The following G2E3 variants were observed in gnomAD, a reference collection of about 807,000 sequenced individuals.
G2E3 encodes the protein G2/M phase-specific E3 ubiquitin-protein ligase.
A neutral mutation model predicts 92.8 loss-of-function variants in G2E3; 35 were observed. The observed-to-expected ratio is 0.38, with a 90% CI of 0.29 to 0.50. The LOEUF is 0.50. G2E3 is among the 20% of genes least tolerant of loss of function. The probability of loss-of-function intolerance (pLI) is 0.94; values close to 1 mark genes in which losing one functional copy is unlikely to be tolerated. For synonymous variants in G2E3, 242 were observed against 272.4 expected (o/e 0.89, Z 1.10); for missense variants, 554 against 823.8 (o/e 0.67, Z 4.01).
At chr14:30,595,510 G>GT (rs1406639462) in intron 6 of G2E3, among the ~76,000 whole-genome samples, 1 of 152,016 alleles carries the variant, frequency 6.6e-6, no homozygotes, top group South Asian at 2.1e-4. Flanking sequence ...TAATTTTGTC[G>GT]TTAAAAAAGT....
chr14:30,584,080 T>C (rs1880576720), intron 2 of G2E3, among the ~76,000 whole-genome samples: 1 of 152,222 alleles, frequency 6.6e-6, no homozygotes. Flanking sequence ...CCCTGTGGAT[T>C]TACTTATGTT....
chr14:30,561,383 C>T (rs1324000620), intron 1 of G2E3, among the ~76,000 whole-genome samples: 2 of 152,166 alleles, frequency 1.3e-5, no homozygotes, highest in Non-Finnish European at 2.9e-5. Flanking sequence ...AGATGTTGCT[C>T]CATAAGTATC....
At chr14:30,565,624 T>C (rs1483991427) in intron 1 of G2E3, among the ~76,000 whole-genome samples, 1 of 150,200 alleles carries the variant, frequency 6.7e-6, no homozygotes. Flanking sequence ...TTTTAATGCG[T>C]GTGAGGTAGG....
chr14:30,560,891 A>G, intron 1 of G2E3: 1 of 688,820 alleles, frequency 1.5e-6, no homozygotes, highest in South Asian at 1.5e-5. Flanking sequence ...TCTTTCCTAG[A>G]AAGGCATTAT....
chr14:30,605,731 C>T lies in G2E3; in HGVS notation c.1237C>T (p.Leu413=). The T allele has an allele frequency of 1.2e-6, 2 of 1,608,370 alleles. No individual in the cohort carries two copies. The highest frequency in any genetic ancestry group is 1.7e-6 in the Non-Finnish European group (2 of 1,176,240). The change falls in exon 11 of 15, where the codon CTG becomes TTG. Residue 413 remains leucine, a synonymous_variant. Coordinates refer to ENST00000206595, the MANE Select transcript of G2E3 (RefSeq NM_017769.5). ...GCATCCTGGATCAAAGCAAGAATTT[C>T]TGAGTCTCTTAATGCAACATCTTGA... ...SEHPGSKQEF[L]SLLMQHLENS...
chr14:30,609,143 C>T lies in G2E3; in HGVS notation c.1500+1074C>T, dbSNP rs147417305. 3.3e-4 allele frequency among the ~76,000 whole-genome samples: 50 copies of T among 152,316 alleles called. 1 individual carries two copies. Among genetic ancestry groups the T allele is most frequent in the African/African-American group, 1.1e-3 (46 of 41,570 alleles). On this transcript the variant is annotated intron_variant, in intron 12 of 14. Transcript: ENST00000206595. ...TGTGAGTTGCTACAGTGTATTACAA[C>T]AATTCTGTTTATTTGCCCTAAGACT...
intron 12 of G2E3, among the ~76,000 whole-genome samples, chr14:30,609,607 ATTTACAGACCTGTAT>A (rs965104931): frequency 1.8e-4 from 27 of 152,142 alleles, no homozygotes; most frequent in African/African-American, 6.3e-4. Context: ...TTTCTGAATG[ATTTACAGACCTGTAT>A]TTTTGAGCCC....
chr14:30,593,443 GA>G (rs1375681231), intron 5 of G2E3, 30 bp from the exon 6 acceptor site: 3 of 1,180,826 alleles, frequency 2.5e-6, no homozygotes, highest in East Asian at 4.8e-5. Context: ...TGCAGTTCAT[GA>G]GATTTTTTTA....
chr14:30,597,254 T>TTAGC (rs1166497321), intron 6 of G2E3, among the ~76,000 whole-genome samples, 166 bp from the exon 7 acceptor site: 3 of 152,176 alleles, frequency 2.0e-5, no homozygotes, highest in Non-Finnish European at 2.9e-5. Flanking sequence ...ATTATAGATT[T>TTAGC]TAGCAGTGGG....
chr14:30,603,031 C>A (rs1048040674), intron 10 of G2E3: 1 of 152,024 alleles, frequency 6.6e-6, no homozygotes, highest in East Asian at 1.9e-4. Flanking sequence ...ATTTCTGTTC[C>A]CATGAGACAA....
intron 13 of G2E3, among the ~76,000 whole-genome samples, chr14:30,614,238 A>G (rs1882215537): frequency 1.3e-5 from 2 of 149,468 alleles, no homozygotes; most frequent in Non-Finnish European, 2.9e-5. Flanking sequence ...GATAACAGAT[A>G]AACATGTGTG....
intron 1 of G2E3, among the ~76,000 whole-genome samples, chr14:30,570,869 G>T (rs1157847386): frequency 6.6e-6 from 1 of 152,054 alleles, no homozygotes; most frequent in South Asian, 2.1e-4. Flanking sequence ...ATATATTGTG[G>T]ATCTAACTAA....
chr14:30,564,317 G>T lies in G2E3; in HGVS notation c.-5+5045G>T, dbSNP rs558135736. On this transcript the variant is annotated intron_variant, in intron 1 of 14. Transcript: ENST00000206595. ...AGGTGTACATTTGACCTTTTTTTGA[G>T]GTAAAATTCCCATTTATAAAATTAG... 4.6e-5 allele frequency among the ~76,000 whole-genome samples: 7 copies of T among 151,906 alleles called. No individual in the cohort carries two copies. In the East Asian group the frequency reaches 1.4e-3, roughly 29 times the overall value.
intron 12 of G2E3, among the ~76,000 whole-genome samples, chr14:30,610,846 G>A (rs1010403396): frequency 5.3e-5 from 8 of 152,230 alleles, no homozygotes; most frequent in Non-Finnish European, 1.0e-4. Context: ...TTGCCTGTTT[G>A]GTAAATAGTT....
chr14:30,608,546 TC>T (rs1406693301), intron 12 of G2E3, among the ~76,000 whole-genome samples: 1 of 152,192 alleles, frequency 6.6e-6, no homozygotes, highest in Non-Finnish European at 1.5e-5. Context: ...CTGAATTTCT[TC>T]CAAAGGGAAA....
At chr14:30,567,073 T>A (rs1419271944) in intron 1 of G2E3, among the ~76,000 whole-genome samples, 3 of 152,214 alleles carry the variant, frequency 2.0e-5, no homozygotes, top group Non-Finnish European at 2.9e-5. Flanking sequence ...AGAATCAGTT[T>A]GCTGGTAGTT....
At chr14:30,560,677 C>T in intron 1 of G2E3, 2 of 625,302 alleles carry the variant, frequency 3.2e-6, no homozygotes, top group Middle Eastern at 3.9e-4. Context: ...GAATTATTTT[C>T]ATTGGATTTT....
At chr14:30,563,695 TTGTGTGTG>T (rs56029424) in intron 1 of G2E3, among the ~76,000 whole-genome samples, 8,038 of 141,236 alleles carry the variant, frequency 0.057, 237 homozygotes, top group African/African-American at 0.08. Flanking sequence ...TTTGTTACTT[TTGTGTGTG>T]TGTGTGTGTG....
chr14:30,593,543 C>T lies in G2E3; in HGVS notation c.432C>T (p.Cys144=). The T allele has an allele frequency of 1.3e-6, 2 of 1,570,438 alleles. No individual in the cohort carries two copies. Among genetic ancestry groups the T allele is most frequent in the Non-Finnish European group, 1.8e-6 (2 of 1,140,900 alleles). Reference sequence around the variant, plus strand: ...ATAATTATAGAGAGTCCTTACCATGCACCATTTGCTTGGAATTTATTGAGC... The same window carrying T: ...ATAATTATAGAGAGTCCTTACCATGTACCATTTGCTTGGAATTTATTGAGC... The part of the protein sequence containing the change: ...TSNNYRESLP[C]TICLEFIEPI... The change falls in exon 6 of 15, where the codon TGC becomes TGT. Residue 144 remains cysteine (C), a synonymous_variant. Coordinates refer to ENST00000206595, the MANE Select transcript of G2E3 (RefSeq NM_017769.5).
Sources: gnomAD v4.1 joint callset for allele counts (sites outside exome capture counted in the v4.1 genomes callset) on GRCh38, gnomAD v4.1.1 for gene constraint, MANE v1.5 for transcripts, NCBI Gene and HGNC (gene_info 2026-07-23, HGNC 2026-07-21) for gene names.